Variants in CELF2 observed in about 807,000 individuals in gnomAD.
CELF2 encodes CUGBP Elav-like family member 2.
CELF2 carries 8 observed loss-of-function variants against 62.6 expected under a neutral mutation model. The observed-to-expected ratio is 0.13, with a 90% CI of 0.07 to 0.23. The LOEUF is 0.23. Ranked by LOEUF, CELF2 falls within the 10% of genes least tolerant of loss-of-function variation. CELF2 has a pLI of 1.00. For synonymous variants in CELF2, 258 were observed against 250.0 expected, an observed-to-expected ratio of 1.03 and a Z score of -0.30; for missense variants, 333 against 671.0, an observed-to-expected ratio of 0.50 and a Z score of 5.56.
the CELF2 span, among the ~76,000 whole-genome samples, chr10:10,649,241 A>G: frequency 6.6e-6 from 1 of 152,246 alleles, no homozygotes; most frequent in African/African-American, 2.4e-5. Context: ...AACAAAAGGC[A>G]ACAACATTTT....
At chr10:10,719,238 G>A in the CELF2 span, among the ~76,000 whole-genome samples, 8 of 151,988 alleles carry the variant, frequency 5.3e-5, no homozygotes, top group South Asian at 2.1e-4. Flanking sequence ...GATTACAGGC[G>A]TGAGCCACCG....
intron 1 of CELF2, among the ~76,000 whole-genome samples, chr10:11,076,664 CCTTTCCTTTGG>C (rs2072045217): frequency 6.6e-6 from 1 of 152,142 alleles, no homozygotes; most frequent in South Asian, 2.1e-4. Flanking sequence ...GTGTGTTTAG[CCTTTCCTTTGG>C]TGCATACTAA....
intron 1 of CELF2, among the ~76,000 whole-genome samples, chr10:10,902,307 C>G (rs1379806758): frequency 3.9e-5 from 6 of 152,154 alleles, no homozygotes; most frequent in African/African-American, 9.7e-5. Flanking sequence ...CATAGCAACT[C>G]TATTTGTAAG....
chr10:11,132,792 C>T (rs1047845079), intron 1 of CELF2, among the ~76,000 whole-genome samples: 9 of 152,160 alleles, frequency 5.9e-5, no homozygotes, highest in African/African-American at 1.7e-4. Flanking sequence ...ACAGGGCCAC[C>T]AAATGGACCC....
chr10:11,031,678 T>C (rs1373752465), intron 1 of CELF2, among the ~76,000 whole-genome samples: 1 of 152,158 alleles, frequency 6.6e-6, no homozygotes, highest in Non-Finnish European at 1.5e-5. Context: ...GATGCAAACA[T>C]TATCTATAAT....
the CELF2 span, among the ~76,000 whole-genome samples, chr10:10,584,713 G>A: frequency 2.0e-5 from 3 of 152,132 alleles, no homozygotes; most frequent in Admixed American, 6.6e-5. Context: ...TGTCTTTAAC[G>A]CTATGTTATC....
At chr10:11,118,461 G>T (rs1169518259) in intron 1 of CELF2, among the ~76,000 whole-genome samples, 1 of 152,066 alleles carries the variant, frequency 6.6e-6, no homozygotes, top group Non-Finnish European at 1.5e-5. Flanking sequence ...GCCCCCATGT[G>T]CCTTGCCCCC....
chr10:10,466,786 C>A, the CELF2 span, among the ~76,000 whole-genome samples: 1,696 of 152,188 alleles, frequency 0.011, 31 homozygotes, highest in African/African-American at 0.039. Flanking sequence ...TTTTAATAAA[C>A]CTTCCCTGAA....
At chr10:11,080,448 C>A (rs894617091) in intron 1 of CELF2, among the ~76,000 whole-genome samples, 31 of 152,116 alleles carry the variant, frequency 2.0e-4, no homozygotes, top group African/African-American at 7.5e-4. Context: ...TCTATTAAGA[C>A]CAGGAACATA....
At chr10:11,095,567 G>A (rs953557028) in intron 1 of CELF2, among the ~76,000 whole-genome samples, 1 of 152,196 alleles carries the variant, frequency 6.6e-6, no homozygotes, top group African/African-American at 2.4e-5. Context: ...ATATAAGCTT[G>A]CATATCTTTT....
chr10:10,768,934 C>T, the CELF2 span, among the ~76,000 whole-genome samples: 2 of 152,148 alleles, frequency 1.3e-5, no homozygotes, highest in African/African-American at 4.8e-5. Flanking sequence ...CTGTCATTTG[C>T]AGTACTGGTA....
At chr10:10,651,262 A>C in the CELF2 span, among the ~76,000 whole-genome samples, 1 of 142,726 alleles carries the variant, frequency 7.0e-6, no homozygotes, top group African/African-American at 2.6e-5. Flanking sequence ...GCAGTATGAG[A>C]TCAAACTGCA....
the CELF2 span, among the ~76,000 whole-genome samples, chr10:10,502,820 A>T: frequency 6.6e-6 from 1 of 151,718 alleles, no homozygotes; most frequent in African/African-American, 2.4e-5. Flanking sequence ...AGTTCTTGAG[A>T]TGAGAAGTTA....
At position 11,268,852 on chromosome 10, in the gene CELF2, T is replaced by C. The variant is rs968884833; in HGVS notation, c.619-1814T>C. 6.6e-6 allele frequency among the ~76,000 whole-genome samples: 1 copy of C among 152,236 alleles called. No individual in the cohort carries two copies. The highest frequency in any genetic ancestry group is 6.5e-5 in the Admixed American group (1 of 15,288). On this transcript the variant is annotated intron_variant, in intron 6 of 12. Transcript: ENST00000633077. The surrounding 1 kb of genome is among the most constrained non-coding windows in gnomAD (Gnocchi z 4.7). ...AGATGTATTACCTAATTCACAATGA[T>C]GTGAATGTTGAAAGAACAAGGTCTT...
At chr10:11,155,114 C>T (rs17377720) in intron 1 of CELF2, among the ~76,000 whole-genome samples, 4,342 of 152,322 alleles carry the variant, frequency 0.029, 94 homozygotes, top group South Asian at 0.088. Flanking sequence ...GAAAGCTTCT[C>T]CTTTAAGGCA....
chr10:10,974,078 G>C (rs1274911894), intron 2 of CELF2, among the ~76,000 whole-genome samples: 1 of 152,202 alleles, frequency 6.6e-6, no homozygotes, highest in Non-Finnish European at 1.5e-5. Context: ...TCCCACTTTA[G>C]TTAGGGTGAC....
intron 1 of CELF2, among the ~76,000 whole-genome samples, chr10:11,089,017 G>A (rs1291814): frequency 6.6e-6 from 1 of 152,172 alleles, no homozygotes; most frequent in East Asian, 1.9e-4. Context: ...GCTTCTGTAG[G>A]GGGGAGCCTT....
intron 1 of CELF2, among the ~76,000 whole-genome samples, chr10:10,803,857 G>T (rs2131569516): frequency 6.6e-6 from 1 of 152,280 alleles, no homozygotes; most frequent in South Asian, 2.1e-4. Flanking sequence ...GTCACTCTTT[G>T]TCTCTCTTAT....
At chr10:11,047,756 G>A (rs1461236020) in intron 1 of CELF2, among the ~76,000 whole-genome samples, 2 of 152,096 alleles carry the variant, frequency 1.3e-5, no homozygotes, top group Non-Finnish European at 2.9e-5. Flanking sequence ...TGCCTTTCCT[G>A]AATACTGATT....
Sources: allele counts gnomAD v4.1 joint callset (sites outside exome capture counted in the v4.1 genomes callset), GRCh38; gene constraint gnomAD v4.1.1; non-coding constraint Gnocchi (gnomAD v3.1); transcripts MANE v1.5; gene names NCBI Gene and HGNC (gene_info 2026-07-23, HGNC 2026-07-21).